PACSIN2: variants seen among roughly 807,000 people sequenced by gnomAD.
PACSIN2 encodes protein kinase C and casein kinase substrate in neurons 2.
A neutral mutation model predicts 63.8 loss-of-function variants in PACSIN2; 25 were observed. That is an observed-to-expected ratio of 0.39 (90% CI 0.29 to 0.55). The LOEUF is 0.55. Ranked by LOEUF, PACSIN2 falls within the 20% of genes least tolerant of loss-of-function variation. PACSIN2 has a pLI of 0.62. For synonymous variants in PACSIN2, 255 were observed against 256.2 expected (o/e 1.00, Z 0.05); for missense variants, 518 against 646.9 (o/e 0.80, Z 2.16).
chr22:42,954,125 T>C (rs888034264), intron 1 of PACSIN2, among the ~76,000 whole-genome samples: 5 of 152,156 alleles, frequency 3.3e-5, no homozygotes, highest in African/African-American at 1.2e-4. Context: ...TAGCCAGGCA[T>C]GGTGACATGT....
intron 1 of PACSIN2, among the ~76,000 whole-genome samples, chr22:42,921,116 T>C (rs1023529068): frequency 6.6e-6 from 1 of 151,916 alleles, no homozygotes; most frequent in Non-Finnish European, 1.5e-5. Flanking sequence ...TCCCAGCACT[T>C]TGGGAGGCCG....
chr22:42,928,518 A>G (rs770691822), intron 1 of PACSIN2, among the ~76,000 whole-genome samples: 8 of 152,198 alleles, frequency 5.3e-5, no homozygotes, highest in Non-Finnish European at 1.2e-4. Flanking sequence ...TCATTTGTGA[A>G]ATTTTAGATG....
intron 7 of PACSIN2, among the ~76,000 whole-genome samples, chr22:42,881,980 G>C (rs1399526636): frequency 6.6e-6 from 1 of 152,238 alleles, no homozygotes; most frequent in Non-Finnish European, 1.5e-5. Flanking sequence ...TTCAGGAGAG[G>C]TTCAGAAGGC....
At chr22:42,936,703 G>A (rs953827648) in intron 1 of PACSIN2, among the ~76,000 whole-genome samples, 10 of 152,112 alleles carry the variant, frequency 6.6e-5, no homozygotes, top group African/African-American at 2.2e-4. Flanking sequence ...CTAAGATGAG[G>A]GGTTCAAGAC....
At chr22:42,904,546 C>T (rs1220543786) in intron 2 of PACSIN2, among the ~76,000 whole-genome samples, 1 of 152,214 alleles carries the variant, frequency 6.6e-6, no homozygotes, top group African/African-American at 2.4e-5. Flanking sequence ...CCAAGGCACC[C>T]CCTGACTGAC....
intron 1 of PACSIN2, among the ~76,000 whole-genome samples, chr22:42,973,890 T>C (rs1380058254): frequency 1.3e-5 from 2 of 152,212 alleles, no homozygotes; most frequent in Non-Finnish European, 2.9e-5. Flanking sequence ...GGCAGCCTCA[T>C]CCTTGGGGAC....
intron 1 of PACSIN2, among the ~76,000 whole-genome samples, chr22:42,973,057 C>G (rs1354283205): frequency 3.9e-5 from 6 of 152,288 alleles, no homozygotes; most frequent in Non-Finnish European, 5.9e-5. Flanking sequence ...AGAACTTTGA[C>G]AGGGCAGTCA....
At chr22:42,987,634 C>T (rs1049121791) in intron 1 of PACSIN2, among the ~76,000 whole-genome samples, 18 of 149,872 alleles carry the variant, frequency 1.2e-4, no homozygotes, top group African/African-American at 4.0e-4. Flanking sequence ...CGGGTTCAAG[C>T]GATTCTCCTG....
chr22:42,887,779 G>A (rs952856579), intron 5 of PACSIN2, among the ~76,000 whole-genome samples: 2 of 152,154 alleles, frequency 1.3e-5, no homozygotes, highest in Admixed American at 6.5e-5. Flanking sequence ...CTACACCTGC[G>A]GAGCATGTAA....
intron 1 of PACSIN2, among the ~76,000 whole-genome samples, chr22:42,923,808 G>A (rs974107466): frequency 2.0e-5 from 3 of 152,150 alleles, no homozygotes; most frequent in Non-Finnish European, 4.4e-5. Context: ...AAGCTGAGGC[G>A]GGAGGTCTGC....
chr22:42,941,681 T>C (rs1361482208), intron 1 of PACSIN2, among the ~76,000 whole-genome samples: 3 of 152,236 alleles, frequency 2.0e-5, no homozygotes, highest in Non-Finnish European at 2.9e-5. Flanking sequence ...TGGCCATTTG[T>C]ATACTATCTT....
At chr22:42,971,926 A>C (rs1410392247) in intron 1 of PACSIN2, among the ~76,000 whole-genome samples, 1 of 107,468 alleles carries the variant, frequency 9.3e-6, no homozygotes, top group African/African-American at 3.8e-5. Flanking sequence ...CCCCGTCTGG[A>C]AGGTGGGGGG....
chr22:42,917,640 A>G (rs1455428920), intron 1 of PACSIN2, among the ~76,000 whole-genome samples: 1 of 152,066 alleles, frequency 6.6e-6, no homozygotes, highest in Non-Finnish European at 1.5e-5. Flanking sequence ...ACAAAAAAAA[A>G]AGTGAACACG....
At chr22:42,881,482 T>C (rs1929070292) in intron 7 of PACSIN2, among the ~76,000 whole-genome samples, 1 of 152,032 alleles carries the variant, frequency 6.6e-6, no homozygotes, top group East Asian at 1.9e-4. Flanking sequence ...ACAGCAGAGG[T>C]AGTCGCCCTC....
At chr22:42,939,318 T>C (rs1383764807) in intron 1 of PACSIN2, among the ~76,000 whole-genome samples, 1 of 152,208 alleles carries the variant, frequency 6.6e-6, no homozygotes, top group Non-Finnish European at 1.5e-5. Context: ...CCAACCTAAA[T>C]ACTCAGTTGA....
At chr22:42,882,009 C>T (rs1929111969) in intron 7 of PACSIN2, among the ~76,000 whole-genome samples, 175 bp downstream of exon 7, 1 of 152,200 alleles carries the variant, frequency 6.6e-6, no homozygotes, top group African/African-American at 2.4e-5. Context: ...ATGCCTGCAG[C>T]CCCCCAGGAC....
intron 1 of PACSIN2, chr22:42,945,829 C>T (rs1275062667): frequency 3.9e-5 from 6 of 152,506 alleles, no homozygotes; most frequent in Non-Finnish European, 8.8e-5. Flanking sequence ...TTCTCCATGA[C>T]ATTACTGTGA....
intron 1 of PACSIN2, among the ~76,000 whole-genome samples, chr22:42,970,864 G>T (rs1331367655): frequency 2.6e-5 from 4 of 152,060 alleles, no homozygotes; most frequent in Admixed American, 2.6e-4. Flanking sequence ...CCATGAGATG[G>T]GAGGCTGGCC....
chr22:42,969,242 AGT>A (rs1283579615), intron 1 of PACSIN2, among the ~76,000 whole-genome samples: 1 of 152,228 alleles, frequency 6.6e-6, no homozygotes, highest in Non-Finnish European at 1.5e-5. Flanking sequence ...TAAACTTAAA[AGT>A]GTATCTCATT....
Sources: gnomAD v4.1 joint callset for allele counts (sites outside exome capture counted in the v4.1 genomes callset) on GRCh38, gnomAD v4.1.1 for gene constraint, MANE v1.5 for transcripts, NCBI Gene and HGNC (gene_info 2026-07-23, HGNC 2026-07-21) for gene names.